The following TAF1B variants were observed in gnomAD, a reference collection of about 807,000 sequenced individuals.
TAF1B encodes the protein TATA box-binding protein-associated factor RNA polymerase I subunit B.
TAF1B carries 61 observed loss-of-function variants against 83.9 expected under a neutral mutation model. The observed-to-expected ratio is 0.73, with a 90% CI of 0.59 to 0.90. The LOEUF is 0.90. Ranked by LOEUF, TAF1B falls within the 40% of genes least tolerant of loss-of-function variation. The probability of loss-of-function intolerance (pLI) is 0.00; values close to 1 mark genes in which losing one functional copy is unlikely to be tolerated. For synonymous variants in TAF1B, 221 were observed against 224.6 expected (o/e 0.98, Z 0.14); for missense variants, 625 against 677.0 (o/e 0.92, Z 0.85).
At chr2:9,887,333 A>G (rs935729811) in intron 8 of TAF1B, among the ~76,000 whole-genome samples, 1 of 152,190 alleles carries the variant, frequency 6.6e-6, no homozygotes, top group African/African-American at 2.4e-5. Context: ...CATCCTATCA[A>G]TTACTGAGAG....
At chr2:9,899,047 C>T (rs1665104557) in intron 8 of TAF1B, among the ~76,000 whole-genome samples, 2 of 151,674 alleles carry the variant, frequency 1.3e-5, no homozygotes, top group Admixed American at 1.3e-4. Flanking sequence ...TGTAAGTGTG[C>T]AGCTCAGTGG....
At chr2:9,920,272 C>T (rs1432076816) in intron 14 of TAF1B, among the ~76,000 whole-genome samples, 1 of 152,090 alleles carries the variant, frequency 6.6e-6, no homozygotes, top group Non-Finnish European at 1.5e-5. Context: ...CACCCACAGT[C>T]CATATTCCAA....
chr2:9,920,539 AG>A (rs1432830420), intron 14 of TAF1B, among the ~76,000 whole-genome samples: 1 of 124,526 alleles, frequency 8.0e-6, no homozygotes, highest in East Asian at 2.7e-4. Context: ...TGTCCTCCTC[AG>A]GGTATCATTT....
intron 5 of TAF1B, among the ~76,000 whole-genome samples, chr2:9,861,836 G>C (rs984807840): frequency 2.0e-5 from 3 of 152,136 alleles, no homozygotes; most frequent in Admixed American, 6.5e-5. Context: ...AGGCAAACAG[G>C]GTCTGGAGTG....
chr2:9,926,987 C>T (rs561091346), intron 14 of TAF1B, among the ~76,000 whole-genome samples: 63 of 151,242 alleles, frequency 4.2e-4, no homozygotes, highest in Middle Eastern at 3.4e-3. Flanking sequence ...TGGTCATTTA[C>T]ATTAGGTATT....
At chr2:9,870,081 A>G (rs1231762068) in intron 6 of TAF1B, among the ~76,000 whole-genome samples, 1 of 151,086 alleles carries the variant, frequency 6.6e-6, no homozygotes, top group Non-Finnish European at 1.5e-5. Context: ...TTCATTCTTT[A>G]AATTTTTAAA....
chr2:9,919,198 A>G, intron 13 of TAF1B, 87 bp downstream of exon 13: 1 of 1,169,950 alleles, frequency 8.5e-7, no homozygotes, highest in Non-Finnish European at 1.3e-6. Context: ...TGAATGCTTA[A>G]GTTTTTTACT....
At chr2:9,887,928 C>A (rs1260186298) in intron 8 of TAF1B, among the ~76,000 whole-genome samples, 6 of 152,056 alleles carry the variant, frequency 3.9e-5, no homozygotes, top group Non-Finnish European at 7.4e-5. Context: ...TCGTAGCTCA[C>A]TGTAACCTCA....
At chr2:9,913,057 C>G in intron 11 of TAF1B, 102 bp from the exon 12 acceptor site, 2 of 911,458 alleles carry the variant, frequency 2.2e-6, no homozygotes, top group African/African-American at 1.7e-5. Context: ...CACACTCACA[C>G]CAACTGCCCA....
rs181142111 is a variant in TAF1B, at chr2:9,887,949, C to T, written c.807+5144C>T. Reference sequence around the variant, plus strand: ...CTCACTGTAACCTCAAACTCCTGGGCTTAAGCAATCCTTTTGCCTCAGCCT... The same window carrying T: ...CTCACTGTAACCTCAAACTCCTGGGTTTAAGCAATCCTTTTGCCTCAGCCT... On this transcript the variant is annotated intron_variant, in intron 8 of 14. Transcript: ENST00000263663. 4.8e-3 allele frequency among the ~76,000 whole-genome samples: 727 copies of T among 152,152 alleles called. 4 individuals are homozygous for T. Among genetic ancestry groups the T allele is most frequent in the Admixed American group, 7.7e-3 (118 of 15,278 alleles).
chr2:9,848,130 A>G (rs1257433516), intron 2 of TAF1B, among the ~76,000 whole-genome samples: 1 of 152,114 alleles, frequency 6.6e-6, no homozygotes, highest in Non-Finnish European at 1.5e-5. Context: ...TTGCTAGATA[A>G]TGGCTTTTGT....
At chr2:9,844,428 G>A (rs1234573804) in intron 1 of TAF1B, 3 of 152,244 alleles carry the variant, frequency 2.0e-5, no homozygotes, top group Non-Finnish European at 4.4e-5. Context: ...AAAGTGCTGG[G>A]ATTATAGGGG....
Position 9,910,812 on chromosome 2 carries a change from T to TA in TAF1B, c.1033dup (p.Ile345AsnfsTer3), listed in dbSNP as rs1313356838. 3 of 1,613,858 alleles carry TA rather than the reference T, an allele frequency of 1.9e-6. No homozygotes were observed. Among genetic ancestry groups the TA allele is most frequent in the African/African-American group, 2.7e-5 (2 of 75,068 alleles). On this transcript the variant is annotated frameshift_variant, in exon 10 of 15. Transcript: ENST00000263663. LOFTEE classifies it high-confidence loss of function. ...AAGTGGATTTTCTGACATTTGATCCTATAGCTAAAATGGCAAAAACTGTTA... is the reference window on the plus strand; with the variant it reads ...AAGTGGATTTTCTGACATTTGATCCTAATAGCTAAAATGGCAAAAACTGTTA...
chr2:9,849,587 G>A (rs917802848), intron 3 of TAF1B, 127 bp downstream of exon 3: 6 of 595,222 alleles, frequency 1.0e-5, no homozygotes, highest in African/African-American at 5.7e-5. Context: ...ACTGGCATAC[G>A]TTCTTCTATC....
chr2:9,911,209 A>G (rs1254188942), intron 10 of TAF1B, among the ~76,000 whole-genome samples: 2 of 152,080 alleles, frequency 1.3e-5, no homozygotes, highest in African/African-American at 4.8e-5. Flanking sequence ...TGCTCCACTG[A>G]TTTCCTAGTT....
At chr2:9,853,874 C>T (rs1256785659) in intron 4 of TAF1B, among the ~76,000 whole-genome samples, 1 of 152,104 alleles carries the variant, frequency 6.6e-6, no homozygotes, top group East Asian at 1.9e-4. Context: ...TACTCTGATC[C>T]TTAATTTACT....
chr2:9,891,690 T>C (rs553798243), intron 8 of TAF1B, among the ~76,000 whole-genome samples: 1 of 152,222 alleles, frequency 6.6e-6, no homozygotes, highest in African/African-American at 2.4e-5. Flanking sequence ...CCTAACCCCA[T>C]ATAGGCCTGG....
chr2:9,859,507 C>T (rs1400279995), intron 5 of TAF1B, among the ~76,000 whole-genome samples: 2 of 151,666 alleles, frequency 1.3e-5, no homozygotes, highest in Non-Finnish European at 2.9e-5. Context: ...GTGGCTTAGC[C>T]TCCCGAGTAG....
chr2:9,865,548 TCAAGCTAC>T (rs1432971245), intron 5 of TAF1B, among the ~76,000 whole-genome samples: 2 of 152,196 alleles, frequency 1.3e-5, no homozygotes, highest in African/African-American at 4.8e-5. Context: ...GCTATCCCCA[TCAAGCTAC>T]CAATGACTTT....
Sources: allele counts gnomAD v4.1 joint callset (sites outside exome capture counted in the v4.1 genomes callset), GRCh38; gene constraint gnomAD v4.1.1; transcripts MANE v1.5; gene names NCBI Gene and HGNC (gene_info 2026-07-23, HGNC 2026-07-21).